The following PPME1 variants were observed in gnomAD, a reference collection of about 807,000 sequenced individuals.
PPME1 encodes protein phosphatase methylesterase 1, also known as testicular secretory protein Li 39.
In PPME1, 17 loss-of-function variants were observed where a neutral mutation model predicts 56.9. That is an observed-to-expected ratio of 0.30 (90% CI 0.20 to 0.45). The LOEUF is 0.45. Ranked by LOEUF, PPME1 falls within the 20% of genes least tolerant of loss-of-function variation. PPME1 has a pLI of 1.00. For synonymous variants in PPME1, 122 were observed against 156.2 expected, an observed-to-expected ratio of 0.78 and a Z score of 1.63; for missense variants, 357 against 483.2, an observed-to-expected ratio of 0.74 and a Z score of 2.45.
chr11:74,183,418 A>G (rs1320969305), intron 1 of PPME1, among the ~76,000 whole-genome samples: 1 of 152,208 alleles, frequency 6.6e-6, no homozygotes, highest in Non-Finnish European at 1.5e-5. Flanking sequence ...ACAGAAAACT[A>G]TATTGGTCCA....
intron 3 of PPME1, among the ~76,000 whole-genome samples, chr11:74,213,351 A>T (rs150969615): frequency 6.6e-6 from 1 of 152,212 alleles, no homozygotes; most frequent in Non-Finnish European, 1.5e-5. Context: ...AAGGTTTCCA[A>T]TTCCAAGCCC....
chr11:74,207,275 A>T (rs986842282), intron 3 of PPME1, among the ~76,000 whole-genome samples: 2 of 152,232 alleles, frequency 1.3e-5, no homozygotes, highest in South Asian at 4.1e-4. Flanking sequence ...ATAATTCTAT[A>T]AAATCCTTGA....
At chr11:74,248,136 G>C (rs1479104756) in intron 11 of PPME1, 1 of 152,488 alleles carries the variant, frequency 6.6e-6, no homozygotes, top group Non-Finnish European at 1.5e-5. Context: ...GTCCAATTTT[G>C]TGGGGGCTCT....
intron 1 of PPME1, among the ~76,000 whole-genome samples, chr11:74,191,270 AT>A (rs1455220927): frequency 6.6e-6 from 1 of 152,186 alleles, no homozygotes; most frequent in East Asian, 1.9e-4. Context: ...AGTCTGGGAG[AT>A]TGAAGCTGCA....
chr11:74,216,381 G>A (rs79351381), intron 3 of PPME1, among the ~76,000 whole-genome samples: 1 of 152,152 alleles, frequency 6.6e-6, no homozygotes, highest in Non-Finnish European at 1.5e-5. Flanking sequence ...TAAACACTAT[G>A]CTCCTAAATG....
intron 5 of PPME1, among the ~76,000 whole-genome samples, chr11:74,229,779 G>A (rs1859021329): frequency 4.6e-5 from 7 of 152,126 alleles, no homozygotes; most frequent in Admixed American, 4.6e-4. Flanking sequence ...ACTAACCCAA[G>A]ATCACATAGT....
intron 11 of PPME1, 78 bp from the exon 12 acceptor site, chr11:74,250,876 T>C: frequency 6.3e-6 from 8 of 1,274,790 alleles, no homozygotes; most frequent in Non-Finnish European, 8.9e-6. Flanking sequence ...GGTCCTGGGC[T>C]CCTGGAATGA....
At position 74,236,117 on chromosome 11, in the gene PPME1, G is replaced by A. The variant is rs1264067074; in HGVS notation, c.710+151G>A. 7.0e-6 allele frequency: 9 copies of A among 1,279,410 alleles called. No homozygotes were observed. The African/African-American group carries it at 7.6e-5, about 11-fold the overall frequency. The allele number at this position is 1,279,410 out of a possible 1,614,324, so 79.3% of individuals were successfully genotyped here. ...TTTAAAGGTGAGTTCAGTTGGGACAGACATAGATTTTCTTTCGCCTGCCTT... is the reference window on the plus strand; with the variant it reads ...TTTAAAGGTGAGTTCAGTTGGGACAAACATAGATTTTCTTTCGCCTGCCTT... On this transcript the variant is annotated intron_variant, in intron 8 of 13. Coordinates refer to ENST00000328257, the MANE Select transcript of PPME1 (RefSeq NM_016147.3).
intron 3 of PPME1, among the ~76,000 whole-genome samples, chr11:74,214,628 T>A (rs1430616807): frequency 6.6e-6 from 1 of 151,852 alleles, no homozygotes; most frequent in African/African-American, 2.4e-5. Flanking sequence ...GAAGCAGACT[T>A]CTCAGTGAAA....
At chr11:74,224,288 G>T (rs1405271919) in intron 4 of PPME1, among the ~76,000 whole-genome samples, 1 of 145,246 alleles carries the variant, frequency 6.9e-6, no homozygotes, top group Non-Finnish European at 1.5e-5. Flanking sequence ...GCTCTGTTCT[G>T]TTCCATTGAT....
chr11:74,201,830 G>A (rs1858177106), intron 1 of PPME1, among the ~76,000 whole-genome samples: 1 of 152,048 alleles, frequency 6.6e-6, no homozygotes, highest in Non-Finnish European at 1.5e-5. Flanking sequence ...TAACATGTTT[G>A]GCATGCCATG....
intron 4 of PPME1, among the ~76,000 whole-genome samples, chr11:74,223,949 T>C (rs1265305011): frequency 6.6e-6 from 1 of 151,606 alleles, no homozygotes; most frequent in African/African-American, 2.4e-5. Flanking sequence ...TTAGTTTAAT[T>C]AGATCCCATT....
intron 1 of PPME1, among the ~76,000 whole-genome samples, chr11:74,182,933 G>T (rs1457178088): frequency 6.6e-6 from 1 of 151,310 alleles, no homozygotes; most frequent in African/African-American, 2.4e-5. Flanking sequence ...GAGGTGGGAG[G>T]ATTGCTTGAG....
intron 3 of PPME1, among the ~76,000 whole-genome samples, chr11:74,217,890 C>T (rs1363199379): frequency 6.6e-6 from 1 of 152,154 alleles, no homozygotes; most frequent in Admixed American, 6.5e-5. Context: ...AGGATACTCA[C>T]TTTCATCACT....
intron 1 of PPME1, among the ~76,000 whole-genome samples, chr11:74,185,572 C>G (rs1214517205): frequency 6.7e-6 from 1 of 149,724 alleles, no homozygotes; most frequent in Non-Finnish European, 1.5e-5. Context: ...TGTCTGTTCT[C>G]TTGCTTTCAT....
At chr11:74,247,400 G>T in intron 11 of PPME1, 4 of 338,884 alleles carry the variant, frequency 1.2e-5, no homozygotes, top group Non-Finnish European at 1.6e-5. Context: ...GAGGCAATGT[G>T]TTTAAAAATT....
At chr11:74,252,193 G>A (rs546585184) in intron 13 of PPME1, among the ~76,000 whole-genome samples, 12 of 145,634 alleles carry the variant, frequency 8.2e-5, no homozygotes, top group Non-Finnish European at 4.5e-5. Context: ...TCAGTCTCCC[G>A]AGTAGCTGGG....
At position 74,213,736 on chromosome 11, in the gene PPME1, A is replaced by T. The variant is rs112248170; in HGVS notation, c.289-8576A>T. ...GGATCTTATCCAACACCACCAAAAT[A>T]GTACCTCTGTGAGTCTGCAAGAGCT... On this transcript the variant is annotated intron_variant, in intron 3 of 13. Coordinates refer to ENST00000328257, the MANE Select transcript of PPME1 (RefSeq NM_016147.3). 3.5e-3 allele frequency among the ~76,000 whole-genome samples: 537 copies of T among 152,350 alleles called. 4 individuals are homozygous for T. The highest frequency in any genetic ancestry group is 0.027 in the Middle Eastern group (8 of 294).
chr11:74,244,455 T>C (rs1480416313), intron 9 of PPME1, among the ~76,000 whole-genome samples: 1 of 152,224 alleles, frequency 6.6e-6, no homozygotes, highest in Non-Finnish European at 1.5e-5. Flanking sequence ...ATAGTAGTCA[T>C]CCTAATGGGG....
Sources: gnomAD v4.1 joint callset for allele counts (sites outside exome capture counted in the v4.1 genomes callset) on GRCh38, gnomAD v4.1.1 for gene constraint, MANE v1.5 for transcripts, NCBI Gene and HGNC (gene_info 2026-07-23, HGNC 2026-07-21) for gene names.